Variants in GOLM2 observed in about 807,000 individuals in gnomAD.
GOLM2 encodes the protein golgi membrane protein 2.
In GOLM2, 26 loss-of-function variants were observed where a neutral mutation model predicts 55.9. That is an observed-to-expected ratio of 0.47 (90% CI 0.34 to 0.65). GOLM2 has a LOEUF of 0.65. GOLM2 is among the 30% of genes least tolerant of loss of function. The pLI is 0.01. For synonymous variants in GOLM2, 165 were observed against 194.6 expected, an observed-to-expected ratio of 0.85 and a Z score of 1.27; for missense variants, 486 against 531.8, an observed-to-expected ratio of 0.91 and a Z score of 0.85.
chr15:44,401,257 C>A (rs2079563364), intron 8 of GOLM2, among the ~76,000 whole-genome samples: 1 of 151,840 alleles, frequency 6.6e-6, no homozygotes, highest in South Asian at 2.1e-4. Flanking sequence ...GACTACAGAC[C>A]CCTGGCTAAT....
intron 6 of GOLM2, among the ~76,000 whole-genome samples, chr15:44,360,769 C>T (rs1422597928): frequency 1.4e-4 from 22 of 152,192 alleles, no homozygotes; most frequent in South Asian, 2.1e-4. Context: ...AGCACCACAC[C>T]GTACCTATTC....
chr15:44,357,528 A>G (rs1171501236), intron 6 of GOLM2, among the ~76,000 whole-genome samples: 2 of 152,194 alleles, frequency 1.3e-5, no homozygotes, highest in African/African-American at 4.8e-5. Context: ...CCTTTTTAAT[A>G]TTATACTGGA....
chr15:44,348,709 C>T (rs2079141447), intron 6 of GOLM2: 1 of 152,078 alleles, frequency 6.6e-6, no homozygotes, highest in African/African-American at 2.4e-5. Flanking sequence ...TTGGTAAGAC[C>T]CAGTGCTGTA....
chr15:44,402,879 C>T lies in GOLM2; in HGVS notation c.1073-8C>T, dbSNP rs751700339. 9 of 1,613,536 alleles carry T rather than the reference C, an allele frequency of 5.6e-6. No individual in the cohort carries two copies. The South Asian group carries it at 7.7e-5, about 14-fold the overall frequency. Reference sequence around the variant, plus strand: ...TACTCTTGAATTAATCCTCTACCTACTTCACAGGCCGATTCTTTGATGAAA... The same window carrying T: ...TACTCTTGAATTAATCCTCTACCTATTTCACAGGCCGATTCTTTGATGAAA... On this transcript the variant is annotated splice_region_variant and splice_polypyrimidine_tract_variant and intron_variant, in intron 8 of 9. Transcript: ENST00000299957.
rs2079067954 is a variant in GOLM2, at chr15:44,337,888, T to C, written c.702T>C (p.Asn234=). The C allele has an allele frequency of 1.3e-6, 2 of 1,596,220 alleles. No individual in the cohort carries two copies. The highest frequency in any genetic ancestry group is 1.9e-5 in the Admixed American group (1 of 53,618). Reference sequence around the variant, plus strand: ...ATAAGAATGAAGAACCCTCAAGCAATCATATTCCACATGGGAAAGGTATTA... The same window carrying C: ...ATAAGAATGAAGAACCCTCAAGCAACCATATTCCACATGGGAAAGGTATTA... The part of the protein sequence containing the change: ...VADKNEEPSS[N]HIPHGKEQIK... The change falls in exon 5 of 10, where the codon AAT becomes AAC. Residue 234 remains asparagine, a synonymous_variant. Coordinates refer to ENST00000299957, the MANE Select transcript of GOLM2 (RefSeq NM_138423.4).
intron 8 of GOLM2, among the ~76,000 whole-genome samples, chr15:44,396,424 C>T (rs1016259555): frequency 3.9e-5 from 6 of 152,226 alleles, no homozygotes; most frequent in South Asian, 4.1e-4. Flanking sequence ...TTTGCTTTCT[C>T]ATTTAACATT....
chr15:44,335,254 T>G (rs1595632386), intron 4 of GOLM2, among the ~76,000 whole-genome samples: 1 of 152,078 alleles, frequency 6.6e-6, no homozygotes, highest in African/African-American at 2.4e-5. Flanking sequence ...GAGTAAGGGG[T>G]GATTACTTTT....
chr15:44,358,329 G>A (rs769675745), intron 6 of GOLM2, among the ~76,000 whole-genome samples: 2 of 152,156 alleles, frequency 1.3e-5, no homozygotes, highest in Non-Finnish European at 2.9e-5. Flanking sequence ...CTCCAGCCTG[G>A]GTGACAGAGC....
At chr15:44,340,194 C>T (rs1052281405) in intron 6 of GOLM2, among the ~76,000 whole-genome samples, 1 of 151,806 alleles carries the variant, frequency 6.6e-6, no homozygotes, top group Admixed American at 6.6e-5. Flanking sequence ...CCTGGGCTTA[C>T]GTGATCCTCC....
At chr15:44,314,236 CAAAAA>C (rs1238536916) in intron 1 of GOLM2, among the ~76,000 whole-genome samples, 1 of 121,732 alleles carries the variant, frequency 8.2e-6, no homozygotes, top group Non-Finnish European at 1.8e-5. Context: ...AACTCCGTCT[CAAAAA>C]AAAAAAAAGA....
chr15:44,395,013 C>CTT (rs869125078), intron 8 of GOLM2, among the ~76,000 whole-genome samples: 4 of 145,084 alleles, frequency 2.8e-5, no homozygotes, highest in African/African-American at 2.5e-5. Context: ...AAAATATAAA[C>CTT]TTTTTTTTTT....
At chr15:44,299,697 C>T (rs577096966) in intron 1 of GOLM2, among the ~76,000 whole-genome samples, 1 of 152,098 alleles carries the variant, frequency 6.6e-6, no homozygotes, top group South Asian at 2.1e-4. Flanking sequence ...TTTCTTCACT[C>T]ATAAAATGAA....
chr15:44,302,975 C>T (rs1001289936), intron 1 of GOLM2, among the ~76,000 whole-genome samples: 44 of 152,104 alleles, frequency 2.9e-4, no homozygotes, highest in African/African-American at 7.0e-4. Flanking sequence ...TAGTGGCGGA[C>T]GCCTGTAGTC....
chr15:44,379,638 T>TTTTAA, intron 6 of GOLM2, 52 bp from the exon 7 acceptor site: 30 of 709,982 alleles, frequency 4.2e-5, no homozygotes, highest in Admixed American at 7.8e-5. Flanking sequence ...TTTTTTTTTT[T>TTTTAA]AGAAATCATA....
chr15:44,382,661 A>AT (rs907625684), intron 8 of GOLM2, among the ~76,000 whole-genome samples: 2 of 151,866 alleles, frequency 1.3e-5, no homozygotes, highest in Non-Finnish European at 2.9e-5. Flanking sequence ...TATTCTATAC[A>AT]TTTTTTTAAT....
intron 6 of GOLM2, among the ~76,000 whole-genome samples, chr15:44,375,752 G>A (rs1367136696): frequency 1.3e-5 from 2 of 152,128 alleles, no homozygotes; most frequent in East Asian, 3.8e-4. Flanking sequence ...GTGCACTCCA[G>A]CCTGAGTAAC....
intron 6 of GOLM2, among the ~76,000 whole-genome samples, chr15:44,342,901 T>G (rs953698042): frequency 1.1e-4 from 16 of 152,246 alleles, no homozygotes; most frequent in African/African-American, 3.9e-4. Context: ...GGCTCTTATC[T>G]TTTAACAATT....
At chr15:44,336,255 T>C (rs557288635) in intron 4 of GOLM2, among the ~76,000 whole-genome samples, 3 of 152,224 alleles carry the variant, frequency 2.0e-5, no homozygotes, top group East Asian at 3.9e-4. Context: ...TAACTAGGAC[T>C]ACAGGCACCC....
At chr15:44,410,529 T>G (rs2141221434) in intron 9 of GOLM2, among the ~76,000 whole-genome samples, 1 of 152,282 alleles carries the variant, frequency 6.6e-6, no homozygotes, top group African/African-American at 2.4e-5. Context: ...TTTCAGGCTT[T>G]AACACATATT....
Sources: gnomAD v4.1 joint callset for allele counts (sites outside exome capture counted in the v4.1 genomes callset) on GRCh38, gnomAD v4.1.1 for gene constraint, MANE v1.5 for transcripts, NCBI Gene and HGNC (gene_info 2026-07-23, HGNC 2026-07-21) for gene names.